The following DNAH8 variants were observed in gnomAD, a reference collection of about 807,000 sequenced individuals.
DNAH8 encodes axonemal beta dynein heavy chain 8.
DNAH8 carries 382 observed loss-of-function variants against 562.1 expected under a neutral mutation model. That is an observed-to-expected ratio of 0.68 (90% CI 0.63 to 0.74). The LOEUF (loss-of-function observed/expected upper bound fraction) is 0.74, where lower values mean the gene tolerates loss of function less well. Ranked by LOEUF, DNAH8 falls within the 30% of genes least tolerant of loss-of-function variation. The pLI is 0.00. For missense variants in DNAH8, 5,203 were observed against 5,620.4 expected (o/e 0.93, Z 2.37); for synonymous variants, 1,881 against 1,919.4 (o/e 0.98, Z 0.52).
At chr6:38,747,830 A>C (rs969617587) in intron 8 of DNAH8, among the ~76,000 whole-genome samples, 1 of 152,242 alleles carries the variant, frequency 6.6e-6, no homozygotes, top group Admixed American at 6.5e-5. Context: ...TCTCCAAAAT[A>C]CCAAATTTTG....
chr6:39,018,575 C>T (rs1242674626), intron 91 of DNAH8, among the ~76,000 whole-genome samples: 1 of 152,194 alleles, frequency 6.6e-6, no homozygotes, highest in East Asian at 1.9e-4. Flanking sequence ...CTTCCACCTG[C>T]CAAGTAGGAA....
chr6:38,780,047 A>C lies in DNAH8; in HGVS notation c.2121A>C (p.Glu707Asp). 6.2e-7 allele frequency: 1 copy of C among 1,613,936 alleles called. No individual in the cohort carries two copies. The highest frequency in any genetic ancestry group is 1.6e-4 in the Middle Eastern group (1 of 6,062). Residue 707 changes from glutamate to aspartate, a missense_variant, in exon 15 of 93, where the codon GAA (glutamate) becomes GAC (aspartate). Physicochemically the swap from Glu to Asp is conservative, Grantham distance 45 (BLOSUM62 2). Around this residue, in one of 6 missense-constraint regions of DNAH8, gnomAD observed 2,176 missense variants for 2,365.1 expected, o/e 0.92. Coordinates refer to ENST00000327475, the MANE Select transcript of DNAH8 (RefSeq NM_001206927.2). Reference protein sequence around the residue: ...IERILQYYVAELDATKKLYHS... With the variant: ...IERILQYYVADLDATKKLYHS... ...GTATTCTTCAGTACTATGTGGCTGAACTTGATGCTACTAAGAAGGCAAGTG... is the reference window on the plus strand; with the variant it reads ...GTATTCTTCAGTACTATGTGGCTGACCTTGATGCTACTAAGAAGGCAAGTG...
At chr6:38,887,052 A>G in intron 57 of DNAH8, 48 bp downstream of exon 57, 1 of 1,337,616 alleles carries the variant, frequency 7.5e-7, no homozygotes, top group South Asian at 1.2e-5. Flanking sequence ...TAATGGACAT[A>G]AACCACACAA....
chr6:38,818,812 C>T (rs1002554302), intron 26 of DNAH8, among the ~76,000 whole-genome samples: 5 of 152,170 alleles, frequency 3.3e-5, no homozygotes, highest in African/African-American at 1.2e-4. Context: ...TTATTCTCAC[C>T]ATGTGCTGAT....
chr6:38,847,623 A>G (rs771466484), intron 36 of DNAH8, among the ~76,000 whole-genome samples: 26 of 152,090 alleles, frequency 1.7e-4, no homozygotes, highest in Non-Finnish European at 3.2e-4. Context: ...ATCAGACCGT[A>G]CCCAGAAAAA....
intron 6 of DNAH8, 31 bp downstream of exon 6, chr6:38,737,287 G>A (rs912908371): frequency 9.9e-5 from 130 of 1,316,380 alleles, no homozygotes; most frequent in Non-Finnish European, 1.2e-4. Flanking sequence ...TTAGCAAATT[G>A]CAAAAAAGAA....
intron 60 of DNAH8, among the ~76,000 whole-genome samples, chr6:38,896,603 AAAC>A (rs1439339526): frequency 7.3e-5 from 11 of 150,494 alleles, no homozygotes; most frequent in African/African-American, 2.2e-4. Flanking sequence ...ACAAACAAAC[AAAC>A]AAAAAAACAA....
chr6:38,969,400 C>G (rs1763184647), intron 82 of DNAH8, among the ~76,000 whole-genome samples: 1 of 152,018 alleles, frequency 6.6e-6, no homozygotes, highest in Admixed American at 6.6e-5. Flanking sequence ...ATATTCTAGA[C>G]TGGGGATAAA....
At chr6:38,903,125 T>C (rs1780185410) in intron 62 of DNAH8, among the ~76,000 whole-genome samples, 1 of 152,218 alleles carries the variant, frequency 6.6e-6, no homozygotes, top group Non-Finnish European at 1.5e-5. Context: ...CCATATAGCC[T>C]AGGTATGTGT....
chr6:39,004,975 A>G (rs948450425), intron 88 of DNAH8, among the ~76,000 whole-genome samples: 6 of 152,230 alleles, frequency 3.9e-5, no homozygotes, highest in South Asian at 2.1e-4. Flanking sequence ...GAACACTGCT[A>G]TGAACATTCA....
Position 38,951,385 on chromosome 6 carries a change from T to G in DNAH8, c.12316T>G (p.Tyr4106Asp). 1.2e-6 allele frequency: 2 copies of G among 1,614,172 alleles called. No individual in the cohort carries two copies. The highest frequency in any genetic ancestry group is 1.7e-6 in the Non-Finnish European group (2 of 1,180,030). ...KYIADSLEEKYTEPVILNLEK... is the reference protein window; with the variant it reads ...KYIADSLEEKDTEPVILNLEK... Reference sequence around the variant, plus strand: ...TATTGCAGATTCTTTGGAGGAGAAGTACACAGAACCAGTTATCTTAAATCT... The same window carrying G: ...TATTGCAGATTCTTTGGAGGAGAAGGACACAGAACCAGTTATCTTAAATCT... Residue 4106 changes from tyrosine to aspartate, a missense_variant, in exon 82 of 93, where the codon TAC becomes GAC. Physicochemically the swap from Tyr to Asp is radical, Grantham distance 160. This residue lies in a region of DNAH8 where 1,399 missense variants were observed against 1,518.4 expected (regional missense o/e 0.92). Coordinates refer to ENST00000327475, the MANE Select transcript of DNAH8 (RefSeq NM_001206927.2).
intron 24 of DNAH8, among the ~76,000 whole-genome samples, chr6:38,811,355 A>G (rs1428588499): frequency 6.6e-6 from 1 of 152,124 alleles, no homozygotes; most frequent in Admixed American, 6.5e-5. Context: ...GGCACACTGG[A>G]CATGTGGTTA....
chr6:38,949,335 A>G, intron 80 of DNAH8, 117 bp from the exon 81 acceptor site: 2 of 726,216 alleles, frequency 2.8e-6, no homozygotes, highest in Middle Eastern at 2.6e-4. Flanking sequence ...CTGTGCTGTT[A>G]TGCTTGAAAA....
chr6:38,860,114 A>G (rs1374411973), intron 42 of DNAH8, among the ~76,000 whole-genome samples: 1 of 151,974 alleles, frequency 6.6e-6, no homozygotes, highest in East Asian at 1.9e-4. Context: ...TTTAGTTGAG[A>G]TGTTTTCTTC....
At chr6:38,953,435 G>A (rs1762048312) in intron 82 of DNAH8, among the ~76,000 whole-genome samples, 1 of 152,192 alleles carries the variant, frequency 6.6e-6, no homozygotes, top group South Asian at 2.1e-4. Flanking sequence ...GAATGCAGAA[G>A]GGCAGACTTG....
chr6:38,765,213 A>C (rs1333398510), intron 11 of DNAH8, among the ~76,000 whole-genome samples: 1 of 152,192 alleles, frequency 6.6e-6, no homozygotes, highest in African/African-American at 2.4e-5. Context: ...TTTTGGGAAT[A>C]AACCTCTATT....
At chr6:39,004,421 T>G (rs1248865247) in intron 88 of DNAH8, among the ~76,000 whole-genome samples, 3 of 152,150 alleles carry the variant, frequency 2.0e-5, no homozygotes, top group Non-Finnish European at 4.4e-5. Flanking sequence ...CTTCAAACCT[T>G]CCAACAGAAT....
rs1351956781 is a variant in DNAH8 at position 38,789,903 on chromosome 6, T to C, written c.2664+20T>C. On this transcript the variant is annotated intron_variant, in intron 19 of 92. Transcript: ENST00000327475. ...AAAAAGGTTGGTATTGCTGAAGGTT[T>C]GTATTGATTTTCCTGTTATTTAAAA... 1 of 1,557,334 alleles carries C rather than the reference T, an allele frequency of 6.4e-7. No homozygotes were observed. Among genetic ancestry groups the C allele is most frequent in the South Asian group, 1.1e-5 (1 of 88,114 alleles).
intron 4 of DNAH8, 23 bp from the exon 5 acceptor site, chr6:38,734,451 A>G (rs1335460984): frequency 1.4e-5 from 23 of 1,611,852 alleles, no homozygotes; most frequent in Non-Finnish European, 1.8e-5. Flanking sequence ...ATTATACGCT[A>G]AGTTCTTGAC....
Sources: allele counts gnomAD v4.1 joint callset (sites outside exome capture counted in the v4.1 genomes callset), GRCh38; gene constraint gnomAD v4.1.1; regional missense constraint gnomAD v4.1.1; transcripts MANE v1.5; gene names NCBI Gene and HGNC (gene_info 2026-07-23, HGNC 2026-07-21).